The following ROBO1 variants were observed in gnomAD, a reference collection of about 807,000 sequenced individuals.
ROBO1 encodes the protein roundabout guidance receptor 1.
ROBO1 carries 149 observed loss-of-function variants against 195.9 expected under a neutral mutation model. That is an observed-to-expected ratio of 0.76 (90% CI 0.67 to 0.87). ROBO1 has a LOEUF of 0.87. Ranked by LOEUF, ROBO1 falls within the 40% of genes least tolerant of loss-of-function variation. The pLI is 0.00. For synonymous variants in ROBO1, 816 were observed against 733.2 expected (o/e 1.11, Z -1.82); for missense variants, 1,933 against 2,068.3 (o/e 0.93, Z 1.27).
rs368726505 is a variant in ROBO1, at chr3:79,112,612, G to A, written c.172+12844C>T. Among the ~76,000 whole-genome samples, 42 of 152,198 alleles carry A rather than the reference G, an allele frequency of 2.8e-4. No homozygotes were observed. In the South Asian group the frequency reaches 3.5e-3, roughly 13 times the overall value. Reference sequence around the variant, plus strand: ...ATGAGTTCATGTCCTTTGTAGAGACGTGGATGAAGCTGGAAACCATCATTC... The same window carrying A: ...ATGAGTTCATGTCCTTTGTAGAGACATGGATGAAGCTGGAAACCATCATTC... On this transcript the variant is annotated intron_variant, in intron 3 of 30. Transcript: ENST00000464233.
At chr3:78,927,048 A>G (rs1280422513) in intron 4 of ROBO1, among the ~76,000 whole-genome samples, 2 of 152,236 alleles carry the variant, frequency 1.3e-5, no homozygotes, top group African/African-American at 4.8e-5. Context: ...CATTATAAAA[A>G]GCAAAGTTTA....
chr3:79,243,590 A>T (rs1198503429), intron 2 of ROBO1, among the ~76,000 whole-genome samples: 1 of 152,034 alleles, frequency 6.6e-6, no homozygotes, highest in Non-Finnish European at 1.5e-5. Context: ...GCCAGTGATG[A>T]TGAGCATTTT....
chr3:79,063,087 T>C (rs1417945049), intron 3 of ROBO1, among the ~76,000 whole-genome samples: 1 of 151,972 alleles, frequency 6.6e-6, no homozygotes, highest in Admixed American at 6.6e-5. Flanking sequence ...ATGTAGATTC[T>C]GCTGCAACTA....
intron 2 of ROBO1, among the ~76,000 whole-genome samples, chr3:79,147,970 C>T (rs912120117): frequency 9.2e-5 from 14 of 151,978 alleles, no homozygotes; most frequent in African/African-American, 3.4e-4. Context: ...GTTACTTTTA[C>T]TAGGAAGGAA....
At chr3:79,443,784 A>G (rs1339399107) in intron 2 of ROBO1, among the ~76,000 whole-genome samples, 1 of 152,110 alleles carries the variant, frequency 6.6e-6, no homozygotes, top group Admixed American at 6.6e-5. Flanking sequence ...AATTTGCATA[A>G]TTTATTAACG....
chr3:79,577,859 C>A (rs937622273), intron 2 of ROBO1, among the ~76,000 whole-genome samples: 1 of 151,716 alleles, frequency 6.6e-6, no homozygotes, highest in Non-Finnish European at 1.5e-5. Flanking sequence ...TTGCAGTGAG[C>A]GGAGAGCGCG....
intron 1 of ROBO1, among the ~76,000 whole-genome samples, chr3:79,690,445 G>A (rs1320338810): frequency 6.6e-6 from 1 of 151,816 alleles, no homozygotes; most frequent in Non-Finnish European, 1.5e-5. Context: ...GTGGGAAAAG[G>A]CAAAAACAAA....
chr3:79,119,178 T>A (rs930811476), intron 3 of ROBO1, among the ~76,000 whole-genome samples: 6 of 152,146 alleles, frequency 3.9e-5, no homozygotes, highest in Non-Finnish European at 8.8e-5. Flanking sequence ...AAACACACAA[T>A]TAACCTTTAA....
chr3:78,730,875 C>G (rs935546762), intron 5 of ROBO1, among the ~76,000 whole-genome samples: 1 of 152,142 alleles, frequency 6.6e-6, no homozygotes, highest in Admixed American at 6.5e-5. Flanking sequence ...GCTAATTCTT[C>G]AATGTGAGGA....
chr3:79,644,384 G>A (rs1161047364), intron 1 of ROBO1, among the ~76,000 whole-genome samples: 1 of 152,162 alleles, frequency 6.6e-6, no homozygotes, highest in African/African-American at 2.4e-5. Flanking sequence ...AGACATACCT[G>A]AGACTGGGCA....
intron 2 of ROBO1, among the ~76,000 whole-genome samples, chr3:79,258,316 T>C (rs891056088): frequency 6.6e-6 from 1 of 152,200 alleles, no homozygotes; most frequent in African/African-American, 2.4e-5. Context: ...AAATATGTTC[T>C]AATTCATAAA....
At chr3:78,910,104 T>C (rs1190058792) in intron 4 of ROBO1, among the ~76,000 whole-genome samples, 1 of 151,822 alleles carries the variant, frequency 6.6e-6, no homozygotes, top group Non-Finnish European at 1.5e-5. Context: ...TACTTAAGGA[T>C]AAAGGATTTC....
At chr3:79,034,035 T>C (rs1371397123) in intron 3 of ROBO1, among the ~76,000 whole-genome samples, 1 of 152,174 alleles carries the variant, frequency 6.6e-6, no homozygotes, top group Non-Finnish European at 1.5e-5. Context: ...TATAATTTAC[T>C]CTAACTACCT....
At chr3:78,814,961 A>C (rs1429696839) in intron 4 of ROBO1, among the ~76,000 whole-genome samples, 1 of 152,080 alleles carries the variant, frequency 6.6e-6, no homozygotes, top group Non-Finnish European at 1.5e-5. Context: ...TTATATTGTT[A>C]CGGTGATCTG....
At chr3:78,669,065 G>C (rs1209913206) in intron 11 of ROBO1, among the ~76,000 whole-genome samples, 1 of 152,028 alleles carries the variant, frequency 6.6e-6, no homozygotes, top group African/African-American at 2.4e-5. Context: ...GACTTTTCCG[G>C]GTTTTAAAAC....
intron 2 of ROBO1, among the ~76,000 whole-genome samples, chr3:79,137,618 A>T (rs1183597550): frequency 6.6e-6 from 1 of 152,034 alleles, no homozygotes; most frequent in African/African-American, 2.4e-5. Flanking sequence ...TTCTATCATG[A>T]TCCTAGCCAT....
At chr3:79,052,287 C>A (rs373850409) in intron 3 of ROBO1, among the ~76,000 whole-genome samples, 10 of 152,018 alleles carry the variant, frequency 6.6e-5, no homozygotes, top group Admixed American at 2.0e-4. Context: ...TCCTGCAGCA[C>A]CCCCAGGCTT....
chr3:79,198,147 CT>C (rs1324540849), intron 2 of ROBO1, among the ~76,000 whole-genome samples: 1 of 151,980 alleles, frequency 6.6e-6, no homozygotes, highest in Non-Finnish European at 1.5e-5. Context: ...CCTAGGTTTT[CT>C]TCTAGGGTTT....
chr3:78,898,332 T>G (rs575629252), intron 4 of ROBO1, among the ~76,000 whole-genome samples: 59 of 147,952 alleles, frequency 4.0e-4, no homozygotes, highest in Non-Finnish European at 6.8e-4. Flanking sequence ...ACTATATATA[T>G]AGAGAGAGAG....
Sources: allele counts gnomAD v4.1 joint callset (sites outside exome capture counted in the v4.1 genomes callset), GRCh38; gene constraint gnomAD v4.1.1; transcripts MANE v1.5; gene names NCBI Gene and HGNC (gene_info 2026-07-23, HGNC 2026-07-21).